SLC12A8: variants seen among roughly 807,000 people sequenced by gnomAD.
The protein encoded by SLC12A8 is cation-chloride cotransporter 9.
SLC12A8 carries 69 observed loss-of-function variants against 75.6 expected under a neutral mutation model. That is an observed-to-expected ratio of 0.91 (90% CI 0.75 to 1.11). The LOEUF (loss-of-function observed/expected upper bound fraction) is 1.11. SLC12A8 is among the 50% of genes most tolerant of loss of function. The probability of loss-of-function intolerance (pLI) is 0.00; values close to 1 mark genes in which losing one functional copy is unlikely to be tolerated. For synonymous variants in SLC12A8, 365 were observed against 372.8 expected (o/e 0.98, Z 0.24); for missense variants, 877 against 896.7 (o/e 0.98, Z 0.28).
chr3:125,203,906 A>G (rs151296836), intron 2 of SLC12A8, among the ~76,000 whole-genome samples: 10 of 152,334 alleles, frequency 6.6e-5, no homozygotes, highest in African/African-American at 2.4e-4. Flanking sequence ...GACTAATCCC[A>G]TTAAAAAGTG....
chr3:125,132,710 AG>A (rs1357059199), intron 6 of SLC12A8, among the ~76,000 whole-genome samples: 4 of 152,222 alleles, frequency 2.6e-5, no homozygotes, highest in African/African-American at 9.6e-5. Context: ...AGCTTGGAAG[AG>A]AAGTCTGGGC....
At chr3:125,174,672 G>T (rs975337652) in intron 5 of SLC12A8, among the ~76,000 whole-genome samples, 1 of 152,282 alleles carries the variant, frequency 6.6e-6, no homozygotes, top group Middle Eastern at 3.4e-3. Context: ...GCCAGAAAAA[G>T]ACATGGAGGA....
At chr3:125,142,140 A>G (rs1294188892) in intron 5 of SLC12A8, among the ~76,000 whole-genome samples, 1 of 152,182 alleles carries the variant, frequency 6.6e-6, no homozygotes, top group Non-Finnish European at 1.5e-5. Context: ...GGGGATCTGC[A>G]GCCAATCCGA....
At chr3:125,211,541 G>A in intron 1 of SLC12A8, 147 bp from the exon 2 acceptor site, 1 of 628,376 alleles carries the variant, frequency 1.6e-6, no homozygotes, top group African/African-American at 1.8e-5. Flanking sequence ...TGGAAACTTG[G>A]CCGGGTTACC....
chr3:125,106,757 A>G (rs777445732), intron 10 of SLC12A8, among the ~76,000 whole-genome samples: 29 of 152,318 alleles, frequency 1.9e-4, no homozygotes, highest in Non-Finnish European at 3.2e-4. Flanking sequence ...AGGAAAGTAC[A>G]TGGGCCTCAA....
chr3:125,173,086 G>A (rs1171680740), intron 5 of SLC12A8, among the ~76,000 whole-genome samples: 1 of 152,096 alleles, frequency 6.6e-6, no homozygotes, highest in Non-Finnish European at 1.5e-5. Context: ...GGCTGAGGCA[G>A]GAGAATTGCT....
At chr3:125,153,022 T>C (rs1204495918) in intron 5 of SLC12A8, among the ~76,000 whole-genome samples, 1 of 152,138 alleles carries the variant, frequency 6.6e-6, no homozygotes, top group East Asian at 1.9e-4. Flanking sequence ...ACCCTGCCAC[T>C]CCTCTTCTTT....
intron 10 of SLC12A8, among the ~76,000 whole-genome samples, chr3:125,095,303 A>C (rs1938686715): frequency 6.6e-6 from 1 of 152,210 alleles, no homozygotes; most frequent in Non-Finnish European, 1.5e-5. Context: ...TGAATAAATA[A>C]CACCACCATT....
rs1935085755 is a variant in SLC12A8, at chr3:125,199,810, GA to G, written c.52-9290del. On this transcript the variant is annotated intron_variant, in intron 2 of 13. Coordinates refer to ENST00000469902, the MANE Select transcript of SLC12A8 (RefSeq NM_024628.6). ...TAATAAACATGAAAATACAGTTCCA[GA>G]AAAAAATGGTATAAACCTTGACAAT... 2.0e-5 allele frequency among the ~76,000 whole-genome samples: 3 copies of G among 151,074 alleles called. No homozygotes were observed. In the South Asian group the frequency reaches 6.3e-4, roughly 32 times the overall value.
intron 4 of SLC12A8, among the ~76,000 whole-genome samples, chr3:125,186,771 G>T (rs189563023): frequency 3.3e-5 from 5 of 152,358 alleles, no homozygotes; most frequent in East Asian, 1.9e-4. Flanking sequence ...TCCCTGTGAA[G>T]GCCACCCGAG....
intron 4 of SLC12A8, among the ~76,000 whole-genome samples, chr3:125,184,072 A>T (rs370755980): frequency 1.7e-3 from 258 of 152,092 alleles, no homozygotes; most frequent in African/African-American, 6.0e-3. Context: ...TCCCAGGTTC[A>T]AGCAATTCTC....
At chr3:125,186,092 G>C (rs560411558) in intron 4 of SLC12A8, among the ~76,000 whole-genome samples, 6 of 152,102 alleles carry the variant, frequency 3.9e-5, no homozygotes, top group East Asian at 1.9e-4. Flanking sequence ...TGTACCGAGA[G>C]GGGGAAAGCA....
chr3:125,107,613 C>T lies in SLC12A8; in HGVS notation c.1573G>A (p.Ala525Thr), dbSNP rs541726558. ...GACTCCTGCCCCTCCCAGGAGGCAG[C>T]GGGCAACCTGTCAGAGATCTCGACA... is the stretch of plus-strand genomic sequence containing the variant. ...FPVEISDRLPAASWEGQESCW... is the reference protein window; with the variant it reads ...FPVEISDRLPTASWEGQESCW... The change falls in exon 10 of 14, where the codon GCT (alanine) becomes ACT (threonine). Residue 525 changes from alanine to threonine, a missense_variant. Coordinates refer to ENST00000469902, the MANE Select transcript of SLC12A8 (RefSeq NM_024628.6). 1.3e-4 allele frequency: 217 copies of T among 1,614,186 alleles called. 3 individuals carry two copies. The South Asian group carries it at 1.7e-3, about 13-fold the overall frequency.
In SLC12A8 at chr3:125,092,212, A is replaced by G. The variant is rs757561456; in HGVS notation, c.1706-14T>C. On this transcript the variant is annotated splice_polypyrimidine_tract_variant and intron_variant, in intron 10 of 13. Coordinates refer to ENST00000469902, the MANE Select transcript of SLC12A8 (RefSeq NM_024628.6). ...TCAGGAAGAAATCTAAAAAATAGCCAAAGATTTGGCTGCCAAATTGCTATC... is the reference window on the plus strand; with the variant it reads ...TCAGGAAGAAATCTAAAAAATAGCCGAAGATTTGGCTGCCAAATTGCTATC... 1 of 1,599,272 alleles carries G rather than the reference A, an allele frequency of 6.3e-7. No homozygotes were observed. Among genetic ancestry groups the G allele is most frequent in the Non-Finnish European group, 8.6e-7 (1 of 1,167,438 alleles).
intron 8 of SLC12A8, among the ~76,000 whole-genome samples, chr3:125,115,245 G>A (rs768351333): frequency 1.7e-4 from 26 of 152,156 alleles, no homozygotes; most frequent in Non-Finnish European, 3.2e-4. Flanking sequence ...GACGTCGCCG[G>A]GCGCAGTAGC....
chr3:125,118,902 C>T, intron 7 of SLC12A8, 46 bp from the exon 8 acceptor site: 1 of 1,314,600 alleles, frequency 7.6e-7, no homozygotes, highest in East Asian at 2.3e-5. Flanking sequence ...ACTCACCTCA[C>T]CCAGCCCCAT....
chr3:125,130,630 C>G (rs816147), intron 6 of SLC12A8, among the ~76,000 whole-genome samples: 1 of 151,198 alleles, frequency 6.6e-6, no homozygotes, highest in Non-Finnish European at 1.5e-5. Flanking sequence ...AAAAGAAATA[C>G]GGATTAAAAA....
At chr3:125,161,780 G>C (rs1359920154) in intron 5 of SLC12A8, among the ~76,000 whole-genome samples, 1 of 152,062 alleles carries the variant, frequency 6.6e-6, no homozygotes, top group Non-Finnish European at 1.5e-5. Flanking sequence ...TATCCCTGCT[G>C]ACCTGCTGTG....
intron 5 of SLC12A8, among the ~76,000 whole-genome samples, chr3:125,137,653 G>C (rs977144068): frequency 2.0e-5 from 3 of 152,250 alleles, no homozygotes; most frequent in Admixed American, 2.0e-4. Flanking sequence ...AAGGGCCCAA[G>C]GGCGGCCCTG....
Sources: allele counts gnomAD v4.1 joint callset (sites outside exome capture counted in the v4.1 genomes callset), GRCh38; gene constraint gnomAD v4.1.1; transcripts MANE v1.5; gene names NCBI Gene and HGNC (gene_info 2026-07-23, HGNC 2026-07-21).